Variants in GALNT17 observed in about 807,000 individuals in gnomAD.
The protein encoded by GALNT17 is polypeptide N-acetylgalactosaminyltransferase 17, also known as UDP-GalNAc:polypeptide N-acetylgalactosaminyltransferase-like 3.
A neutral mutation model predicts 63.7 loss-of-function variants in GALNT17; 29 were observed. The ratio of observed to expected loss-of-function variants is 0.46; its 90% CI spans 0.34 to 0.62. The LOEUF (loss-of-function observed/expected upper bound fraction) is 0.62. GALNT17 is among the 20% of genes least tolerant of loss of function. The probability of loss-of-function intolerance (pLI) is 0.01; values close to 1 mark genes in which losing one functional copy is unlikely to be tolerated. For missense variants in GALNT17, 603 were observed against 799.6 expected, an observed-to-expected ratio of 0.75 and a Z score of 2.97; for synonymous variants, 305 against 318.3, an observed-to-expected ratio of 0.96 and a Z score of 0.45.
At chr7:71,375,742 G>T (rs1159806435) in intron 2 of GALNT17, among the ~76,000 whole-genome samples, 1 of 152,152 alleles carries the variant, frequency 6.6e-6, no homozygotes, top group Non-Finnish European at 1.5e-5. Context: ...TTTCTATAAA[G>T]AAACCTACTG....
At chr7:71,633,655 C>A (rs1369217623) in intron 6 of GALNT17, among the ~76,000 whole-genome samples, 1 of 152,108 alleles carries the variant, frequency 6.6e-6, no homozygotes, top group Non-Finnish European at 1.5e-5. Flanking sequence ...ATCCTCGCAG[C>A]ATTTGTAGGG....
At chr7:71,542,805 A>G (rs1189863532) in intron 5 of GALNT17, among the ~76,000 whole-genome samples, 1 of 152,028 alleles carries the variant, frequency 6.6e-6, no homozygotes, top group Non-Finnish European at 1.5e-5. Flanking sequence ...TCCCTTTGAG[A>G]ATTAAAATAT....
intron 5 of GALNT17, among the ~76,000 whole-genome samples, chr7:71,537,982 T>A (rs1788827378): frequency 6.6e-6 from 1 of 152,056 alleles, no homozygotes; most frequent in Non-Finnish European, 1.5e-5. Context: ...CTGGAGCCCA[T>A]GGAGGAAGGA....
intron 2 of GALNT17, among the ~76,000 whole-genome samples, chr7:71,375,828 C>T (rs183532766): frequency 2.0e-5 from 3 of 152,292 alleles, no homozygotes; most frequent in Admixed American, 1.3e-4. Context: ...CCAGATATGC[C>T]AGTTTCAACG....
At chr7:71,364,862 A>C (rs1323638236) in intron 2 of GALNT17, among the ~76,000 whole-genome samples, 1 of 152,200 alleles carries the variant, frequency 6.6e-6, no homozygotes, top group East Asian at 1.9e-4. Flanking sequence ...CGCTTCTTTA[A>C]TCTACTTCCC....
At chr7:71,151,482 G>A (rs531245457) in intron 1 of GALNT17, among the ~76,000 whole-genome samples, 4 of 152,050 alleles carry the variant, frequency 2.6e-5, no homozygotes, top group South Asian at 4.2e-4. Flanking sequence ...TTAGTCAGGC[G>A]TGGTGGCAGG....
chr7:71,512,479 T>A (rs1788376650), intron 5 of GALNT17, among the ~76,000 whole-genome samples: 1 of 152,164 alleles, frequency 6.6e-6, no homozygotes, highest in African/African-American at 2.4e-5. Flanking sequence ...GACCTCCAAG[T>A]CGTCCACCAG....
At chr7:71,413,768 A>G (rs1563074657) in intron 3 of GALNT17, among the ~76,000 whole-genome samples, 1 of 152,102 alleles carries the variant, frequency 6.6e-6, no homozygotes, top group African/African-American at 2.4e-5. Context: ...TAAAGTCCAG[A>G]ATCACACTGC....
At chr7:71,343,377 A>G (rs966051294) in intron 2 of GALNT17, among the ~76,000 whole-genome samples, 3 of 152,184 alleles carry the variant, frequency 2.0e-5, no homozygotes, top group African/African-American at 7.2e-5. Flanking sequence ...TTTAATTCTT[A>G]CTGTTTTATT....
intron 5 of GALNT17, among the ~76,000 whole-genome samples, chr7:71,549,857 A>G (rs1789047448): frequency 6.6e-6 from 1 of 151,888 alleles, no homozygotes; most frequent in Admixed American, 6.6e-5. Flanking sequence ...TCTGAGAGAA[A>G]GTAGATTCTC....
intron 9 of GALNT17, among the ~76,000 whole-genome samples, chr7:71,707,542 A>AT (rs1791738506): frequency 6.6e-6 from 1 of 152,138 alleles, no homozygotes; most frequent in Non-Finnish European, 1.5e-5. Flanking sequence ...GCTTAAAACA[A>AT]TATGCATTTT....
At chr7:71,424,345 G>A (rs1206810708) in intron 5 of GALNT17, among the ~76,000 whole-genome samples, 1 of 152,174 alleles carries the variant, frequency 6.6e-6, no homozygotes, top group Non-Finnish European at 1.5e-5. Context: ...CTGGCCTCCA[G>A]CCAGGACAGA....
chr7:71,268,749 T>C (rs1301143605), intron 1 of GALNT17, among the ~76,000 whole-genome samples: 6 of 151,594 alleles, frequency 4.0e-5, no homozygotes, highest in Admixed American at 1.3e-4. Context: ...AGGGAAGAAA[T>C]TGATGTGACT....
rs1257914591 is a variant in GALNT17 at position 71,132,931 on chromosome 7, G to C, written c.129G>C (p.Arg43=). 2.5e-6 allele frequency: 4 copies of C among 1,611,278 alleles called. No homozygotes were observed. The highest frequency in any genetic ancestry group is 1.1e-5 in the South Asian group (1 of 91,008). Residue 43 remains arginine (R), a synonymous_variant, in exon 1 of 11, where the codon CGG becomes CGC. Coordinates refer to ENST00000333538, the MANE Select transcript of GALNT17 (RefSeq NM_022479.3). ...VRSGDAFHEI[R]PRAEVANLSA... ...GCGGAGACGCCTTCCACGAGATCCG[G>C]CCGCGCGCCGAGGTGGCCAACCTCA...
intron 1 of GALNT17, among the ~76,000 whole-genome samples, chr7:71,186,101 A>C (rs1788845500): frequency 6.6e-6 from 1 of 152,244 alleles, no homozygotes; most frequent in Non-Finnish European, 1.5e-5. Context: ...CAAAAATGGT[A>C]ATCCATGTAA....
chr7:71,606,114 A>AT (rs10580489), intron 6 of GALNT17, among the ~76,000 whole-genome samples: 6 of 116,042 alleles, frequency 5.2e-5, no homozygotes, highest in African/African-American at 1.9e-4. Flanking sequence ...TAATTTTTGT[A>AT]TTTTTTTTTT....
intron 1 of GALNT17, among the ~76,000 whole-genome samples, chr7:71,197,324 T>A (rs915048773): frequency 6.7e-6 from 1 of 149,360 alleles, no homozygotes; most frequent in Non-Finnish European, 1.5e-5. Context: ...CACAGCCTCC[T>A]GAGTAGCTGG....
intron 1 of GALNT17, among the ~76,000 whole-genome samples, chr7:71,187,476 T>C (rs893922287): frequency 6.9e-5 from 10 of 145,816 alleles, no homozygotes; most frequent in African/African-American, 2.4e-4. Flanking sequence ...TACGCTCACT[T>C]CTCTCTGCTT....
chr7:71,208,659 C>T (rs774998124), intron 1 of GALNT17, among the ~76,000 whole-genome samples: 1 of 151,772 alleles, frequency 6.6e-6, no homozygotes, highest in Non-Finnish European at 1.5e-5. Flanking sequence ...ACTATGTTGT[C>T]GAGGCTGGTC....
Sources: gnomAD v4.1 joint callset for allele counts (sites outside exome capture counted in the v4.1 genomes callset) on GRCh38, gnomAD v4.1.1 for gene constraint, MANE v1.5 for transcripts, NCBI Gene and HGNC (gene_info 2026-07-23, HGNC 2026-07-21) for gene names.